The following PDE11A variants were observed in gnomAD, a reference collection of about 807,000 sequenced individuals.
The protein encoded by PDE11A is dual 3',5'-cyclic-AMP and -GMP phosphodiesterase 11A.
In PDE11A, 100 loss-of-function variants were observed where a neutral mutation model predicts 100.5. The observed-to-expected ratio is 1.00, with a 90% CI of 0.85 to 1.18. The LOEUF is 1.18. Among genes scored for constraint, PDE11A ranks in the 50% most tolerant of loss-of-function variants. PDE11A has a pLI of 0.00. For synonymous variants in PDE11A, 381 were observed against 420.8 expected (o/e 0.91, Z 1.16); for missense variants, 1,141 against 1,152.6 (o/e 0.99, Z 0.15).
intron 9 of PDE11A, chr2:177,796,956 G>C (rs1391306203): frequency 6.6e-6 from 1 of 152,190 alleles, no homozygotes; most frequent in Non-Finnish European, 1.5e-5. Flanking sequence ...AAGCATTAGG[G>C]TTGAAAGAAA....
intron 9 of PDE11A, among the ~76,000 whole-genome samples, chr2:177,769,852 C>T (rs188848087): frequency 7.1e-6 from 1 of 140,694 alleles, no homozygotes; most frequent in Admixed American, 7.5e-5. Context: ...CATGCCACTG[C>T]ACTCCAGCCT....
chr2:177,923,408 A>T (rs758906482), intron 2 of PDE11A, among the ~76,000 whole-genome samples: 1 of 152,090 alleles, frequency 6.6e-6, no homozygotes, highest in Non-Finnish European at 1.5e-5. Context: ...GAAAGTAAGT[A>T]CAGGGGTAGG....
At chr2:178,103,185 G>A (rs912205118) in intron 2 of PDE11A, among the ~76,000 whole-genome samples, 5 of 49,730 alleles carry the variant, frequency 1.0e-4, no homozygotes, top group African/African-American at 3.3e-4. Context: ...ATTTCCAGTG[G>A]GGGGGGAAGG....
chr2:177,848,243 T>TA (rs2083636797), intron 5 of PDE11A, among the ~76,000 whole-genome samples: 1 of 152,188 alleles, frequency 6.6e-6, no homozygotes, highest in South Asian at 2.1e-4. Flanking sequence ...GGGGATATTT[T>TA]AAAAAATTCT....
At chr2:177,716,178 G>A (rs12622125) in intron 12 of PDE11A, among the ~76,000 whole-genome samples, 77,327 of 151,962 alleles carry the variant, frequency 0.51, 23,327 homozygotes, top group East Asian at 0.86. Context: ...CCCAACTCTG[G>A]GATTCAGTTT....
At chr2:177,675,773 A>G (rs995990539) in intron 16 of PDE11A, 12 of 627,930 alleles carry the variant, frequency 1.9e-5, no homozygotes, top group Non-Finnish European at 2.4e-5. Context: ...AAATCAAGGA[A>G]AGCAAAGCAC....
rs184491234 is a variant in PDE11A at position 178,004,803 on chromosome 2, T to A, written c.1071+9499A>T. ...TTTCCTCCTAGATGTGCCAGAGTCC[T>A]GTCTCTTCAGCACTATGATGCATAT... On this transcript the variant is annotated intron_variant, in intron 2 of 19. Transcript: ENST00000286063. 1.7e-3 allele frequency among the ~76,000 whole-genome samples: 257 copies of A among 152,274 alleles called. 1 individual carries two copies. Among genetic ancestry groups the A allele is most frequent in the Admixed American group, 4.4e-3 (68 of 15,290 alleles).
chr2:177,753,955 G>A (rs540226298), intron 10 of PDE11A, among the ~76,000 whole-genome samples: 5 of 151,864 alleles, frequency 3.3e-5, no homozygotes, highest in Admixed American at 3.3e-4. Context: ...TATCTGCCCC[G>A]CCCCCCATGT....
At chr2:178,084,806 CT>C (rs2087329053) in intron 2 of PDE11A, among the ~76,000 whole-genome samples, 1 of 150,262 alleles carries the variant, frequency 6.7e-6, no homozygotes, top group Admixed American at 6.6e-5. Flanking sequence ...GAATGACAAA[CT>C]ATTGTCATGT....
intron 2 of PDE11A, among the ~76,000 whole-genome samples, chr2:177,972,532 C>CAG (rs376800173): frequency 4.6e-5 from 7 of 151,238 alleles, no homozygotes; most frequent in East Asian, 3.9e-4. Context: ...TCAAGGAAAG[C>CAG]AGAGAGAGAG....
At chr2:177,758,438 G>A (rs760540174) in intron 10 of PDE11A, among the ~76,000 whole-genome samples, 6 of 152,090 alleles carry the variant, frequency 3.9e-5, no homozygotes, top group Admixed American at 1.3e-4. Context: ...CTTTGTGAAC[G>A]TTATGAATTG....
At chr2:177,691,624 G>A (rs1022189111) in intron 15 of PDE11A, among the ~76,000 whole-genome samples, 1 of 151,992 alleles carries the variant, frequency 6.6e-6, no homozygotes, top group African/African-American at 2.4e-5. Context: ...ATTTAATATT[G>A]TGAGCAATTT....
At chr2:177,958,680 G>T (rs13402629) in intron 2 of PDE11A, among the ~76,000 whole-genome samples, 9,561 of 152,286 alleles carry the variant, frequency 0.063, 313 homozygotes, top group South Asian at 0.094. Context: ...CAAGCCTTAA[G>T]GAACGGACAT....
At chr2:177,704,202 C>A (rs994139293) in intron 13 of PDE11A, among the ~76,000 whole-genome samples, 3 of 152,148 alleles carry the variant, frequency 2.0e-5, no homozygotes, top group Non-Finnish European at 4.4e-5. Context: ...CATGTTCTGA[C>A]CTTCAGGAAG....
chr2:177,682,130 CT>C (rs1176043463), intron 15 of PDE11A, among the ~76,000 whole-genome samples: 1 of 152,152 alleles, frequency 6.6e-6, no homozygotes, highest in Non-Finnish European at 1.5e-5. Context: ...TCCACAACCC[CT>C]TATCTTAACC....
chr2:178,073,170 CGA>C, upstream of PDE11A: 1 of 616,374 alleles, frequency 1.6e-6, no homozygotes, highest in Non-Finnish European at 2.0e-6. Flanking sequence ...TCCGAGGAAT[CGA>C]GAGTGTCGTT....
At chr2:177,888,811 C>A in intron 4 of PDE11A, 1 of 190,418 alleles carries the variant, frequency 5.3e-6, no homozygotes, top group Non-Finnish European at 9.7e-6. Context: ...TGTAATACGA[C>A]CTCTTCTGTA....
At chr2:177,771,363 A>G (rs1314608907) in intron 9 of PDE11A, among the ~76,000 whole-genome samples, 3 of 152,236 alleles carry the variant, frequency 2.0e-5, no homozygotes, top group Admixed American at 2.0e-4. Context: ...AACTTTGAGA[A>G]GCACTGACCT....
At chr2:177,716,812 C>G (rs1281260782) in intron 12 of PDE11A, among the ~76,000 whole-genome samples, 2 of 152,126 alleles carry the variant, frequency 1.3e-5, no homozygotes, top group African/African-American at 4.8e-5. Context: ...GGTAATTTGA[C>G]TAGAAATTTA....
Sources: allele counts gnomAD v4.1 joint callset (sites outside exome capture counted in the v4.1 genomes callset), GRCh38; gene constraint gnomAD v4.1.1; transcripts MANE v1.5; gene names NCBI Gene and HGNC (gene_info 2026-07-23, HGNC 2026-07-21).